Variants in SGCZ observed in about 807,000 individuals in gnomAD.
SGCZ encodes the protein sarcoglycan zeta.
In SGCZ, 40 loss-of-function variants were observed where a neutral mutation model predicts 41.3. That is an observed-to-expected ratio of 0.97 (90% CI 0.75 to 1.26). The LOEUF (loss-of-function observed/expected upper bound fraction) is 1.26, where lower values mean the gene tolerates loss of function less well. Ranked by LOEUF, SGCZ falls within the 50% of genes most tolerant of loss-of-function variation. The probability of loss-of-function intolerance (pLI) is 0.00; values close to 1 mark genes in which losing one functional copy is unlikely to be tolerated. For synonymous variants in SGCZ, 206 were observed against 137.5 expected, an observed-to-expected ratio of 1.50 and a Z score of -3.49; for missense variants, 552 against 369.8, an observed-to-expected ratio of 1.49 and a Z score of -4.04.
chr8:14,997,584 T>C (rs13278622), intron 1 of SGCZ, among the ~76,000 whole-genome samples: 50,945 of 152,072 alleles, frequency 0.34, 8,961 homozygotes, highest in South Asian at 0.38. Flanking sequence ...TATGTAATGA[T>C]ATTAATCAAG....
At chr8:14,284,255 G>A (rs1448815909) in intron 3 of SGCZ, among the ~76,000 whole-genome samples, 1 of 152,122 alleles carries the variant, frequency 6.6e-6, no homozygotes, top group East Asian at 1.9e-4. Flanking sequence ...CGCCAAGGGT[G>A]GTGGTACACA....
At chr8:14,718,933 A>G (rs1235887564) in intron 1 of SGCZ, among the ~76,000 whole-genome samples, 1 of 149,096 alleles carries the variant, frequency 6.7e-6, no homozygotes, top group Non-Finnish European at 1.5e-5. Context: ...TACATGTGCC[A>G]TGCTGCTGTG....
chr8:14,794,881 T>G (rs546074209), intron 1 of SGCZ, among the ~76,000 whole-genome samples: 1 of 152,156 alleles, frequency 6.6e-6, no homozygotes, highest in African/African-American at 2.4e-5. Flanking sequence ...AGTCAAGAAA[T>G]GCCTTTAAAA....
At chr8:14,408,966 T>TGCGCGTGTGC (rs1554513908) in intron 2 of SGCZ, among the ~76,000 whole-genome samples, 3 of 136,776 alleles carry the variant, frequency 2.2e-5, no homozygotes, top group South Asian at 4.3e-4. Flanking sequence ...TGTGTGTGTG[T>TGCGCGTGTGC]GTGTGCATGT....
At chr8:14,311,704 T>C (rs1163393522) in intron 3 of SGCZ, among the ~76,000 whole-genome samples, 1 of 152,178 alleles carries the variant, frequency 6.6e-6, no homozygotes, top group Non-Finnish European at 1.5e-5. Flanking sequence ...TCTAAAGTGA[T>C]GGAGAAGTAT....
rs114552461 is a variant in SGCZ, at chr8:14,886,373, T to C, written c.40-331447A>G. On this transcript the variant is annotated intron_variant, in intron 1 of 7. Coordinates refer to ENST00000382080, the MANE Select transcript of SGCZ (RefSeq NM_139167.4). ...ACATGATAAAATAACATATGGTTTATTAGACAGAGGTGAAAGCTAAGGGGA... is the reference window on the plus strand; with the variant it reads ...ACATGATAAAATAACATATGGTTTACTAGACAGAGGTGAAAGCTAAGGGGA... Among the ~76,000 whole-genome samples, 1,408 of 152,154 alleles carry C rather than the reference T, an allele frequency of 9.3e-3. 16 individuals are homozygous for C. Among genetic ancestry groups the C allele is most frequent in the African/African-American group, 0.032 (1,322 of 41,504 alleles).
intron 1 of SGCZ, among the ~76,000 whole-genome samples, chr8:14,601,127 A>T (rs1805577161): frequency 6.6e-6 from 1 of 151,576 alleles, no homozygotes; most frequent in Admixed American, 6.6e-5. Context: ...TTACAACTTG[A>T]TTATTTTTCT....
intron 1 of SGCZ, among the ~76,000 whole-genome samples, chr8:14,664,525 A>G (rs1323210311): frequency 2.0e-5 from 3 of 152,204 alleles, no homozygotes; most frequent in African/African-American, 7.2e-5. Context: ...GGGAATCAAG[A>G]TTTGAGCAGA....
intron 1 of SGCZ, among the ~76,000 whole-genome samples, chr8:14,636,769 G>A (rs140803111): frequency 6.6e-6 from 1 of 151,840 alleles, no homozygotes; most frequent in African/African-American, 2.4e-5. Context: ...TTGCATGAAT[G>A]AATGACTATA....
intron 2 of SGCZ, among the ~76,000 whole-genome samples, chr8:14,397,749 C>A (rs979388106): frequency 1.3e-5 from 2 of 152,098 alleles, no homozygotes; most frequent in Non-Finnish European, 1.5e-5. Context: ...ATTGCAAAAG[C>A]ATACTAGAGT....
intron 2 of SGCZ, among the ~76,000 whole-genome samples, chr8:14,546,746 G>A (rs566417618): frequency 9.9e-5 from 15 of 152,130 alleles, no homozygotes; most frequent in East Asian, 9.7e-4. Flanking sequence ...ATGAAAGCAC[G>A]GAGTTATACC....
At chr8:14,411,118 C>G (rs530041281) in intron 2 of SGCZ, among the ~76,000 whole-genome samples, 23 of 152,082 alleles carry the variant, frequency 1.5e-4, no homozygotes, top group African/African-American at 5.1e-4. Flanking sequence ...ATGGCGCCAA[C>G]CAATGCGTTT....
At chr8:14,464,068 G>A (rs1462021150) in intron 2 of SGCZ, among the ~76,000 whole-genome samples, 1 of 151,582 alleles carries the variant, frequency 6.6e-6, no homozygotes, top group Admixed American at 6.6e-5. Flanking sequence ...AGGAATACTT[G>A]TCTCTAGTTT....
intron 1 of SGCZ, among the ~76,000 whole-genome samples, chr8:15,088,487 G>A (rs537127147): frequency 1.5e-3 from 225 of 152,120 alleles, no homozygotes; most frequent in African/African-American, 5.2e-3. Flanking sequence ...GTTCAAAAAA[G>A]CACAACTGCA....
At chr8:15,140,654 T>G (rs1235524273) in intron 1 of SGCZ, among the ~76,000 whole-genome samples, 3 of 152,186 alleles carry the variant, frequency 2.0e-5, no homozygotes, top group Non-Finnish European at 4.4e-5. Flanking sequence ...TATTTACTTT[T>G]TTGTGTAAGT....
chr8:14,784,020 A>C (rs984973423), intron 1 of SGCZ, among the ~76,000 whole-genome samples: 1 of 151,008 alleles, frequency 6.6e-6, no homozygotes, highest in Non-Finnish European at 1.5e-5. Flanking sequence ...AATAATTCTA[A>C]CCTTTAAATT....
rs1804821567 is a variant in SGCZ, at chr8:14,392,783, A to C, written c.235-68579T>G. 3.3e-5 allele frequency among the ~76,000 whole-genome samples: 5 copies of C among 152,122 alleles called. No individual in the cohort carries two copies. The South Asian group carries it at 1.0e-3, about 31-fold the overall frequency. On this transcript the variant is annotated intron_variant, in intron 2 of 7. Transcript: ENST00000382080. The stretch of plus-strand genomic sequence containing the variant: ...TTTATCATTAATTTTTCTTTGGCTA[A>C]TACATGCATATTTAAGACTTTTAAC...
intron 1 of SGCZ, among the ~76,000 whole-genome samples, chr8:14,784,924 A>AT (rs1203487535): frequency 4.3e-4 from 46 of 105,868 alleles, no homozygotes; most frequent in African/African-American, 1.4e-3. Context: ...ATATATATAT[A>AT]TATATATATA....
chr8:14,765,438 A>G (rs966936240), intron 1 of SGCZ, among the ~76,000 whole-genome samples: 1 of 152,196 alleles, frequency 6.6e-6, no homozygotes, highest in Admixed American at 6.5e-5. Flanking sequence ...AGACAGACTC[A>G]TAACTGGAGG....
Sources: allele counts gnomAD v4.1 joint callset (sites outside exome capture counted in the v4.1 genomes callset), GRCh38; gene constraint gnomAD v4.1.1; transcripts MANE v1.5; gene names NCBI Gene and HGNC (gene_info 2026-07-23, HGNC 2026-07-21).